The following APBA1 variants were observed in gnomAD, a reference collection of about 807,000 sequenced individuals.
APBA1 encodes the protein amyloid beta precursor protein binding family A member 1.
APBA1 carries 55 observed loss-of-function variants against 86.6 expected under a neutral mutation model. The ratio of observed to expected loss-of-function variants is 0.64; its 90% CI spans 0.51 to 0.80. The LOEUF (loss-of-function observed/expected upper bound fraction) is 0.80. APBA1 is among the 30% of genes least tolerant of loss of function. The pLI is 0.00. For synonymous variants in APBA1, 511 were observed against 493.9 expected (o/e 1.03, Z -0.46); for missense variants, 1,090 against 1,183.0 (o/e 0.92, Z 1.15).
At chr9:69,600,833 TA>T (rs974514881) in intron 1 of APBA1, among the ~76,000 whole-genome samples, 12 of 146,650 alleles carry the variant, frequency 8.2e-5, no homozygotes, top group Non-Finnish European at 1.2e-4. Context: ...AATAAATAAA[TA>T]AAATAAAATA....
At chr9:69,598,665 G>T (rs943144358) in intron 1 of APBA1, among the ~76,000 whole-genome samples, 1 of 152,140 alleles carries the variant, frequency 6.6e-6, no homozygotes, top group South Asian at 2.1e-4. Context: ...GGGGGCTCAA[G>T]ATCCAGCTCT....
chr9:69,581,077 C>T (rs1196102191), intron 1 of APBA1, among the ~76,000 whole-genome samples: 2 of 152,070 alleles, frequency 1.3e-5, no homozygotes, highest in East Asian at 1.9e-4. Flanking sequence ...ATGGATACAC[C>T]CCACAAACGG....
chr9:69,551,550 CT>C (rs1401411664), intron 1 of APBA1, among the ~76,000 whole-genome samples: 1 of 96,314 alleles, frequency 1.0e-5, no homozygotes, highest in African/African-American at 3.0e-5. Context: ...GAGACTCCGC[CT>C]CAAAAAAAAA....
chr9:69,521,193 C>A (rs955789474), intron 1 of APBA1, among the ~76,000 whole-genome samples: 21 of 152,180 alleles, frequency 1.4e-4, no homozygotes, highest in African/African-American at 5.1e-4. Context: ...GACATTTGAT[C>A]TTTGCACTCT....
chr9:69,445,678 C>A (rs969141626), intron 10 of APBA1, among the ~76,000 whole-genome samples: 11 of 152,142 alleles, frequency 7.2e-5, no homozygotes, highest in African/African-American at 2.7e-4. Flanking sequence ...TTCCACCCAC[C>A]AATAATTATG....
At chr9:69,636,922 G>GAAA (rs1823183261) in intron 1 of APBA1, among the ~76,000 whole-genome samples, 38 of 63,962 alleles carry the variant, frequency 5.9e-4, no homozygotes, top group African/African-American at 2.3e-3. Context: ...AAGGAAGGAA[G>GAAA]GAAAGAAAGA....
At chr9:69,648,599 A>C (rs1413580756) in intron 1 of APBA1, among the ~76,000 whole-genome samples, 1 of 152,174 alleles carries the variant, frequency 6.6e-6, no homozygotes, top group Non-Finnish European at 1.5e-5. Flanking sequence ...CAGACCACCC[A>C]GCTATTATAG....
intron 1 of APBA1, among the ~76,000 whole-genome samples, chr9:69,586,299 T>A (rs920711906): frequency 6.6e-6 from 1 of 152,212 alleles, no homozygotes; most frequent in Non-Finnish European, 1.5e-5. Flanking sequence ...GATCTCCCTA[T>A]ATTATGCTGT....
intron 1 of APBA1, among the ~76,000 whole-genome samples, chr9:69,579,794 G>A (rs1418827809): frequency 6.6e-6 from 1 of 152,216 alleles, no homozygotes; most frequent in Non-Finnish European, 1.5e-5. Context: ...CAAGGAAGAG[G>A]AAGGAGAGGA....
chr9:69,519,079 T>C (rs990826994), intron 1 of APBA1, among the ~76,000 whole-genome samples: 13 of 152,224 alleles, frequency 8.5e-5, no homozygotes, highest in African/African-American at 2.7e-4. Context: ...TTGAAAAATT[T>C]TGGGCTCCTC....
chr9:69,569,442 CGTGTGAGT>C (rs1310107186), intron 1 of APBA1, among the ~76,000 whole-genome samples: 1 of 110,494 alleles, frequency 9.1e-6, no homozygotes, highest in Non-Finnish European at 1.8e-5. Context: ...TTGGTTGTCA[CGTGTGAGT>C]GTGTGTGTGT....
At chr9:69,489,092 G>GA (rs1303142501) in intron 2 of APBA1, among the ~76,000 whole-genome samples, 4 of 152,176 alleles carry the variant, frequency 2.6e-5, no homozygotes, top group Non-Finnish European at 5.9e-5. Flanking sequence ...ACCCCATCAA[G>GA]CTACCAATGA....
intron 5 of APBA1, chr9:69,461,810 G>A (rs1418414564): frequency 6.6e-6 from 1 of 152,060 alleles, no homozygotes; most frequent in Non-Finnish European, 1.5e-5. Context: ...TATACCATGG[G>A]GTTAACAACA....
chr9:69,442,188 T>C (rs1265132261), intron 10 of APBA1, among the ~76,000 whole-genome samples: 4 of 152,172 alleles, frequency 2.6e-5, no homozygotes, highest in Non-Finnish European at 5.9e-5. Context: ...AAACTCCTCA[T>C]TGCCACATGG....
At chr9:69,470,976 C>T (rs1415381749) in intron 4 of APBA1, among the ~76,000 whole-genome samples, 1 of 152,150 alleles carries the variant, frequency 6.6e-6, no homozygotes, top group Non-Finnish European at 1.5e-5. Context: ...CCCACAAAGA[C>T]ACCGGTTTCC....
intron 1 of APBA1, among the ~76,000 whole-genome samples, chr9:69,534,660 A>T (rs562381189): frequency 9.8e-5 from 15 of 152,318 alleles, no homozygotes; most frequent in Admixed American, 9.2e-4. Flanking sequence ...TTTCACTGGG[A>T]CCTGAAAATG....
chr9:69,588,396 A>C (rs1330558130), intron 1 of APBA1, among the ~76,000 whole-genome samples: 1 of 148,740 alleles, frequency 6.7e-6, no homozygotes, highest in Non-Finnish European at 1.5e-5. Flanking sequence ...CAAGTTCATG[A>C]TTTTTTTTTT....
At chr9:69,662,282 T>A (rs968101720) in intron 1 of APBA1, among the ~76,000 whole-genome samples, 2 of 152,204 alleles carry the variant, frequency 1.3e-5, no homozygotes, top group African/African-American at 4.8e-5. Flanking sequence ...AGTTCTCTCC[T>A]GATGTGGTTA....
At chr9:69,465,760 G>A (rs1443770169) in intron 5 of APBA1, among the ~76,000 whole-genome samples, 1 of 152,176 alleles carries the variant, frequency 6.6e-6, no homozygotes, top group Non-Finnish European at 1.5e-5. Context: ...TTGGGTAGGG[G>A]GTGGGGCTTC....
Sources: allele counts gnomAD v4.1 joint callset (sites outside exome capture counted in the v4.1 genomes callset), GRCh38; gene constraint gnomAD v4.1.1; transcripts MANE v1.5; gene names NCBI Gene and HGNC (gene_info 2026-07-23, HGNC 2026-07-21).